Variants in CEP57 observed in about 807,000 individuals in gnomAD.
CEP57 encodes centrosomal protein 57, also known as centrosomal protein of 57 kDa.
Under a neutral mutation model 68.0 loss-of-function variants are expected in CEP57, and 40 were observed. That is an observed-to-expected ratio of 0.59 (90% CI 0.46 to 0.77). The LOEUF (loss-of-function observed/expected upper bound fraction) is 0.77. Ranked by LOEUF, CEP57 falls within the 30% of genes least tolerant of loss-of-function variation. The pLI, the probability that CEP57 is intolerant of heterozygous loss-of-function variation, is 0.00. For synonymous variants in CEP57, 219 were observed against 198.7 expected, an observed-to-expected ratio of 1.10 and a Z score of -0.86; for missense variants, 606 against 580.7, an observed-to-expected ratio of 1.04 and a Z score of -0.45.
Position 95,817,780 on chromosome 11 carries a change from T to C in CEP57, c.505-7T>C, listed in dbSNP as rs1217023420. 1.3e-6 allele frequency: 2 copies of C among 1,581,562 alleles called. No individual in the cohort carries two copies. Among genetic ancestry groups the C allele is most frequent in the East Asian group, 2.2e-5 (1 of 44,662 alleles). On this transcript the variant is annotated splice_region_variant and splice_polypyrimidine_tract_variant and intron_variant, in intron 4 of 10. Coordinates refer to ENST00000325542, the MANE Select transcript of CEP57 (RefSeq NM_014679.5). ...ATTATCAAGCCGTATTGAATATTGT[T>C]TTTCAGGTTTCCCTAGAAAGAGAAC...
At chr11:95,830,025 T>G (rs373550605) in intron 10 of CEP57, among the ~76,000 whole-genome samples, 1 of 152,202 alleles carries the variant, frequency 6.6e-6, no homozygotes, top group African/African-American at 2.4e-5. Context: ...TTCCACTGAC[T>G]AAAATGGAGA....
chr11:95,827,773 T>C lies in CEP57; in HGVS notation c.886-13T>C. On this transcript the variant is annotated splice_polypyrimidine_tract_variant and intron_variant, in intron 8 of 10. Coordinates refer to ENST00000325542, the MANE Select transcript of CEP57 (RefSeq NM_014679.5). Reference sequence around the variant, plus strand: ...AACTTCAATTACTTCTTTCATCATTTTTCTTCCTTTAGTCCACAAGCCCTA... The same window carrying C: ...AACTTCAATTACTTCTTTCATCATTCTTCTTCCTTTAGTCCACAAGCCCTA... The C allele has an allele frequency of 1.9e-6, 3 of 1,613,870 alleles. No individual in the cohort carries two copies. The highest frequency in any genetic ancestry group is 2.5e-6 in the Non-Finnish European group (3 of 1,179,970).
rs1026685981 is a variant in CEP57, at chr11:95,790,787, C to G, written c.45+44C>G. ...GAGTGGGCCCCACGTCGGCCCTAAG[C>G]GCCTCTTTGAGTTTCCTCACGTTTC... On this transcript the variant is annotated intron_variant, in intron 1 of 10. Coordinates refer to ENST00000325542, the MANE Select transcript of CEP57 (RefSeq NM_014679.5). 7.5e-6 allele frequency: 12 copies of G among 1,609,312 alleles called. No homozygotes were observed. In the African/African-American group the frequency reaches 8.0e-5, roughly 11 times the overall value.
At chr11:95,804,254 A>G (rs1338025925) in intron 2 of CEP57, among the ~76,000 whole-genome samples, 1 of 152,240 alleles carries the variant, frequency 6.6e-6, no homozygotes, top group Non-Finnish European at 1.5e-5. Context: ...ATAGGCAAAT[A>G]GCAGCTTCAT....
intron 1 of CEP57, among the ~76,000 whole-genome samples, chr11:95,792,663 A>C (rs1346458861): frequency 6.6e-6 from 1 of 152,226 alleles, no homozygotes; most frequent in Non-Finnish European, 1.5e-5. Flanking sequence ...ATAGGATTCT[A>C]AATATCAAGG....
At position 95,825,411 on chromosome 11, in the gene CEP57, G is replaced by A. The variant is rs552364465; in HGVS notation, c.886-2375G>A. Among the ~76,000 whole-genome samples, 50 of 152,226 alleles carry A rather than the reference G, an allele frequency of 3.3e-4. 1 individual carries two copies. In the South Asian group the frequency reaches 0.01, roughly 32 times the overall value. ...GAAGGATTTCAAGATACGAATTTTG[G>A]AGAAATTAAAGAGTCAGTAGACACC... On this transcript the variant is annotated intron_variant, in intron 8 of 10. Coordinates refer to ENST00000325542, the MANE Select transcript of CEP57 (RefSeq NM_014679.5).
chr11:95,820,739 T>C (rs966249639), intron 6 of CEP57, among the ~76,000 whole-genome samples: 3 of 152,084 alleles, frequency 2.0e-5, no homozygotes, highest in Non-Finnish European at 4.4e-5. Context: ...GTTAAAATAC[T>C]CAAAAAAAAG....
At chr11:95,823,444 G>A (rs575508905) in intron 8 of CEP57, among the ~76,000 whole-genome samples, 1 of 151,992 alleles carries the variant, frequency 6.6e-6, no homozygotes, top group East Asian at 1.9e-4. Context: ...GCAAACTATA[G>A]CTTAGAAATA....
intron 10 of CEP57, among the ~76,000 whole-genome samples, chr11:95,830,734 T>TAC (rs781301396): frequency 1.9e-4 from 29 of 152,206 alleles, no homozygotes; most frequent in Non-Finnish European, 2.9e-4. Context: ...CCCTGTTCTG[T>TAC]ACTTTGGCAA....
At chr11:95,792,742 A>C (rs1861148803) in intron 1 of CEP57, among the ~76,000 whole-genome samples, 1 of 152,184 alleles carries the variant, frequency 6.6e-6, no homozygotes, top group African/African-American at 2.4e-5. Flanking sequence ...CTGCTACATC[A>C]AAATGTCTAT....
intron 10 of CEP57, among the ~76,000 whole-genome samples, chr11:95,830,618 T>C (rs1862959514): frequency 3.3e-5 from 5 of 152,160 alleles, no homozygotes; most frequent in Admixed American, 3.3e-4. Flanking sequence ...AATATCTTTC[T>C]CCTCTTCTCC....
intron 2 of CEP57, among the ~76,000 whole-genome samples, chr11:95,803,450 A>G (rs1004838172): frequency 4.6e-5 from 7 of 152,190 alleles, no homozygotes; most frequent in African/African-American, 2.4e-5. Context: ...GCTTTGGAAA[A>G]TACCACCATT....
At chr11:95,808,743 A>G (rs1392051068) in intron 2 of CEP57, among the ~76,000 whole-genome samples, 1 of 152,222 alleles carries the variant, frequency 6.6e-6, no homozygotes, top group African/African-American at 2.4e-5. Flanking sequence ...AGACTCCCAC[A>G]CAATAATAAT....
Position 95,817,911 on chromosome 11 carries a change from C to T in CEP57, c.621+8C>T, listed in dbSNP as rs1413547565. 7.8e-6 allele frequency: 12 copies of T among 1,529,740 alleles called. No homozygotes were observed. In the African/African-American group the frequency reaches 9.6e-5, roughly 12 times the overall value. 94.8% of individuals were successfully genotyped at this position (1,529,740 alleles called of 1,614,324 possible). On this transcript the variant is annotated splice_region_variant and intron_variant, in intron 5 of 10. Coordinates refer to ENST00000325542, the MANE Select transcript of CEP57 (RefSeq NM_014679.5). The stretch of plus-strand genomic sequence containing the variant: ...ATGCAGGCCCTTGCAGAAGTCAGTG[C>T]ATGTGTCTTTTTATTGTTAACATAT...
At chr11:95,807,563 A>G (rs760385480) in intron 2 of CEP57, among the ~76,000 whole-genome samples, 1 of 152,220 alleles carries the variant, frequency 6.6e-6, no homozygotes, top group South Asian at 2.1e-4. Context: ...TGAGAACTAC[A>G]TGACGCATGC....
At chr11:95,795,371 T>G in intron 1 of CEP57, 1 of 380,212 alleles carries the variant, frequency 2.6e-6, no homozygotes, top group African/African-American at 2.1e-5. Flanking sequence ...AATTACTGAC[T>G]CTTACATATC....
At chr11:95,810,691 TAA>T (rs1336324489) in intron 2 of CEP57, among the ~76,000 whole-genome samples, 3 of 152,004 alleles carry the variant, frequency 2.0e-5, no homozygotes, top group Non-Finnish European at 4.4e-5. Context: ...CTCAATGAAA[TAA>T]AAGAGGATAC....
At chr11:95,795,813 C>A (rs529518532) in intron 1 of CEP57, among the ~76,000 whole-genome samples, 2 of 152,220 alleles carry the variant, frequency 1.3e-5, no homozygotes, top group African/African-American at 2.4e-5. Flanking sequence ...CACCATTGGA[C>A]CTTGACTTCT....
chr11:95,829,119 G>A, intron 9 of CEP57, 68 bp from the exon 10 acceptor site: 2 of 1,505,328 alleles, frequency 1.3e-6, no homozygotes, highest in Non-Finnish European at 9.2e-7. Flanking sequence ...AACCCATAAT[G>A]AGGTATAATA....
Sources: gnomAD v4.1 joint callset for allele counts (sites outside exome capture counted in the v4.1 genomes callset) on GRCh38, gnomAD v4.1.1 for gene constraint, MANE v1.5 for transcripts, NCBI Gene and HGNC (gene_info 2026-07-23, HGNC 2026-07-21) for gene names.